The following SHISA9 variants were observed in gnomAD, a reference collection of about 807,000 sequenced individuals.
SHISA9 encodes the protein shisa family member 9, also known as protein shisa-9.
SHISA9 carries 13 observed loss-of-function variants against 38.0 expected under a neutral mutation model. That is an observed-to-expected ratio of 0.34 (90% CI 0.22 to 0.54). The LOEUF (loss-of-function observed/expected upper bound fraction) is 0.54, where lower values mean the gene tolerates loss of function less well. SHISA9 is among the 20% of genes least tolerant of loss of function. SHISA9 has a pLI of 0.91. For missense variants in SHISA9, 538 were observed against 575.8 expected (o/e 0.93, Z 0.67); for synonymous variants, 275 against 242.0 (o/e 1.14, Z -1.27).
the SHISA9 span, among the ~76,000 whole-genome samples, chr16:13,346,518 CTTG>C: frequency 2.0e-5 from 3 of 152,154 alleles, no homozygotes; most frequent in Non-Finnish European, 4.4e-5. Flanking sequence ...ACTATTGACC[CTTG>C]TTGTTGGCTT....
At chr16:13,289,663 A>G in the SHISA9 span, among the ~76,000 whole-genome samples, 1 of 151,630 alleles carries the variant, frequency 6.6e-6, no homozygotes, top group Non-Finnish European at 1.5e-5. Flanking sequence ...AGCAAGAGCT[A>G]GAGAGAGAGA....
intron 2 of SHISA9, among the ~76,000 whole-genome samples, chr16:13,005,174 A>G (rs1010657433): frequency 1.3e-5 from 2 of 152,064 alleles, no homozygotes; most frequent in African/African-American, 2.4e-5. Context: ...CACTGAGCTC[A>G]GTTTGAGGTA....
chr16:13,046,354 G>A (rs1050078048), intron 2 of SHISA9, among the ~76,000 whole-genome samples: 3 of 152,310 alleles, frequency 2.0e-5, no homozygotes, highest in Admixed American at 1.3e-4. Flanking sequence ...TGGGTTTCAG[G>A]CACTCGGAAA....
At chr16:12,976,482 G>A (rs138877463) in intron 2 of SHISA9, among the ~76,000 whole-genome samples, 1 of 152,232 alleles carries the variant, frequency 6.6e-6, no homozygotes, top group Non-Finnish European at 1.5e-5. Flanking sequence ...AGCTTGAAAG[G>A]TTTGAGACTG....
intron 2 of SHISA9, among the ~76,000 whole-genome samples, chr16:13,145,091 C>G (rs1417624825): frequency 1.3e-5 from 2 of 152,164 alleles, no homozygotes; most frequent in Non-Finnish European, 2.9e-5. Flanking sequence ...GTGTTCCTTG[C>G]CAGGTGGCTT....
At chr16:13,539,358 T>TATATA in the SHISA9 span, among the ~76,000 whole-genome samples, 1 of 65,362 alleles carries the variant, frequency 1.5e-5, no homozygotes, top group Non-Finnish European at 3.1e-5. Context: ...TATATATATA[T>TATATA]AAAGACAGGA....
At chr16:12,972,029 C>T (rs2072089956) in intron 2 of SHISA9, among the ~76,000 whole-genome samples, 1 of 129,996 alleles carries the variant, frequency 7.7e-6, no homozygotes, top group Non-Finnish European at 1.7e-5. Context: ...AAAATCTCTG[C>T]TCTCTTGGAG....
At chr16:13,409,253 G>A in the SHISA9 span, among the ~76,000 whole-genome samples, 28 of 152,266 alleles carry the variant, frequency 1.8e-4, no homozygotes, top group African/African-American at 6.5e-4. Context: ...TCCGCTGACA[G>A]CCACTTCCAC....
chr16:13,291,349 G>T, the SHISA9 span, among the ~76,000 whole-genome samples: 1 of 152,136 alleles, frequency 6.6e-6, no homozygotes, highest in Non-Finnish European at 1.5e-5. Flanking sequence ...TAGTGACAAA[G>T]TTACATTGCT....
chr16:13,227,265 C>T (rs2051288465), intron 4 of SHISA9, among the ~76,000 whole-genome samples: 1 of 152,118 alleles, frequency 6.6e-6, no homozygotes. Context: ...GAATGGATTA[C>T]AGGAGGTGAA....
intron 2 of SHISA9, among the ~76,000 whole-genome samples, chr16:13,161,437 C>T (rs1333349068): frequency 6.6e-6 from 1 of 152,184 alleles, no homozygotes; most frequent in Non-Finnish European, 1.5e-5. Flanking sequence ...CAACATCCTT[C>T]TGAGCAGCTT....
chr16:13,241,353 A>C (rs1190086367), downstream of SHISA9, among the ~76,000 whole-genome samples: 1 of 152,160 alleles, frequency 6.6e-6, no homozygotes, highest in South Asian at 2.1e-4. Flanking sequence ...TTAAAAATAC[A>C]AAATTAGCTG....
chr16:12,941,187 A>C (rs1469906894), intron 2 of SHISA9, among the ~76,000 whole-genome samples: 1 of 152,130 alleles, frequency 6.6e-6, no homozygotes, highest in Non-Finnish European at 1.5e-5. Context: ...TGCTGTCTCC[A>C]CTAAAAATAC....
chr16:13,015,967 TTCCC>T (rs1567182533), intron 2 of SHISA9, among the ~76,000 whole-genome samples: 7 of 39,746 alleles, frequency 1.8e-4, no homozygotes, highest in Non-Finnish European at 2.4e-4. Context: ...TTCCCTTCCC[TTCCC>T]TTCCCTTCCC....
At chr16:13,061,265 T>A (rs1328720663) in intron 2 of SHISA9, among the ~76,000 whole-genome samples, 1 of 152,174 alleles carries the variant, frequency 6.6e-6, no homozygotes, top group Non-Finnish European at 1.5e-5. Context: ...TAAATACGCC[T>A]CACACACGGC....
chr16:13,127,319 A>C lies in SHISA9; in HGVS notation c.692-76075A>C. Among the ~76,000 whole-genome samples the C allele has an allele frequency of 2.4e-5, 3 of 125,190 alleles. No homozygotes were observed. The Admixed American group carries it at 2.5e-4, about 10-fold the overall frequency. The allele number at this position is 125,190 out of a possible 152,430, so 82.1% of individuals were successfully genotyped here. A position where few individuals can be genotyped will look rare whatever the true frequency, so the allele number is the denominator to read the frequency against. On this transcript the variant is annotated intron_variant, in intron 2 of 4. Coordinates refer to ENST00000558583, the MANE Select transcript of SHISA9 (RefSeq NM_001145204.3). ...GGGAGAGAGAGAGAGTGAGGGAGGG[A>C]GAGAGATGAAGGGGTGAGAGAGTGA...
Position 13,235,515 on chromosome 16 carries a change from C to T in SHISA9, c.*106C>T, listed in dbSNP as rs1258761333. The T allele has an allele frequency of 9.0e-6, 12 of 1,326,660 alleles. No homozygotes were observed. The highest frequency in any genetic ancestry group is 2.5e-5 in the East Asian group (1 of 39,514). The allele number at this position is 1,326,660 out of a possible 1,614,324, so 82.2% of individuals were successfully genotyped here. A position where few individuals can be genotyped will look rare whatever the true frequency, so the allele number is the denominator to read the frequency against. On this transcript the variant is annotated 3_prime_UTR_variant, in exon 5 of 5. Coordinates refer to ENST00000558583, the MANE Select transcript of SHISA9 (RefSeq NM_001145204.3). ...CTCCCCTAATACATGCGTCCACACACTCACTCTCAACAAGAACCAACTCTA... is the reference window on the plus strand; with the variant it reads ...CTCCCCTAATACATGCGTCCACACATTCACTCTCAACAAGAACCAACTCTA...
chr16:13,469,375 AAG>A, the SHISA9 span, among the ~76,000 whole-genome samples: 286 of 99,502 alleles, frequency 2.9e-3, no homozygotes, highest in Middle Eastern at 9.1e-3. Flanking sequence ...AAAAGAAAGA[AAG>A]AAAGAAAGAA....
At position 13,156,733 on chromosome 16, in the gene SHISA9, C is replaced by CA. The variant is rs11289895; in HGVS notation, c.692-46640dup. Among the ~76,000 whole-genome samples, 769 of 111,384 alleles carry CA rather than the reference C, an allele frequency of 6.9e-3. 7 individuals are homozygous for CA. The highest frequency in any genetic ancestry group is 0.011 in the African/African-American group (299 of 27,694). 73.1% of individuals were successfully genotyped at this position (111,384 alleles called of 152,430 possible). On this transcript the variant is annotated intron_variant, in intron 2 of 4. Transcript: ENST00000558583. Reference sequence around the variant, plus strand: ...TGGGCAACAGAGTGAGACTCCGTCTCAAAAAAAAAAAAAAAAAAAAATTAC... The same window carrying CA: ...TGGGCAACAGAGTGAGACTCCGTCTCAAAAAAAAAAAAAAAAAAAAAATTAC...
Sources: allele counts gnomAD v4.1 joint callset (sites outside exome capture counted in the v4.1 genomes callset), GRCh38; gene constraint gnomAD v4.1.1; transcripts MANE v1.5; gene names NCBI Gene and HGNC (gene_info 2026-07-23, HGNC 2026-07-21).